Variants in KIAA0825 observed in about 807,000 individuals in gnomAD.
KIAA0825 encodes the protein uncharacterized protein KIAA0825.
A neutral mutation model predicts 147.6 loss-of-function variants in KIAA0825; 119 were observed. The ratio of observed to expected loss-of-function variants is 0.81; its 90% CI spans 0.69 to 0.94. The LOEUF is 0.94. KIAA0825 is among the 40% of genes least tolerant of loss of function. KIAA0825 has a pLI of 0.00. For missense variants in KIAA0825, 1,381 were observed against 1,472.7 expected (o/e 0.94, Z 1.02); for synonymous variants, 470 against 518.1 (o/e 0.91, Z 1.26).
chr5:94,463,630 T>A (rs1760109858), intron 11 of KIAA0825, among the ~76,000 whole-genome samples: 1 of 151,332 alleles, frequency 6.6e-6, no homozygotes, highest in South Asian at 2.1e-4. Flanking sequence ...ACCAGTCAAA[T>A]AAAAATATTT....
chr5:94,445,503 T>C (rs983998302), intron 13 of KIAA0825, among the ~76,000 whole-genome samples: 2 of 152,142 alleles, frequency 1.3e-5, no homozygotes, highest in African/African-American at 4.8e-5. Flanking sequence ...AATAAGATTG[T>C]ATTGTATTTA....
At chr5:94,599,345 T>TC (rs1196575941) in intron 1 of KIAA0825, among the ~76,000 whole-genome samples, 71 of 148,216 alleles carry the variant, frequency 4.8e-4, no homozygotes, top group African/African-American at 1.4e-3. Context: ...TTTTTTTTTT[T>TC]TTTTTTGCTA....
intron 20 of KIAA0825, among the ~76,000 whole-genome samples, chr5:94,333,928 A>G (rs1781533470): frequency 6.6e-6 from 1 of 152,166 alleles, no homozygotes; most frequent in Non-Finnish European, 1.5e-5. Context: ...AAAACTACAA[A>G]CCACTGCTCA....
In KIAA0825 at chr5:94,154,069, G is replaced by A. The variant is rs376383241; in HGVS notation, c.3766C>T (p.His1256Tyr). 2.6e-5 allele frequency: 40 copies of A among 1,551,554 alleles called. No homozygotes were observed. The highest frequency in any genetic ancestry group is 3.3e-5 in the Non-Finnish European group (38 of 1,146,954). Residue 1256 changes from histidine (H) to tyrosine (Y), a missense_variant, in exon 21 of 21, where the codon CAC becomes TAC. His to Tyr is a moderately conservative substitution (Grantham distance 83). Coordinates refer to ENST00000682413, the MANE Select transcript of KIAA0825 (RefSeq NM_001145678.3). ...TGTGGGGTGCAAATTTGTTTTAAGT[G>A]CTCCAGTATTGCTTTTTCTTCCTCT... is the stretch of plus-strand genomic sequence containing the variant. ...LEEEEKAILE[H>Y]LKQICTPQNS...
intron 14 of KIAA0825, among the ~76,000 whole-genome samples, chr5:94,424,298 G>A (rs919285463): frequency 3.3e-5 from 5 of 152,052 alleles, no homozygotes; most frequent in Non-Finnish European, 4.4e-5. Flanking sequence ...GCCAAAACAG[G>A]TCTCAACAAA....
chr5:94,235,844 G>C (rs1179709938), intron 20 of KIAA0825, among the ~76,000 whole-genome samples: 1 of 152,126 alleles, frequency 6.6e-6, no homozygotes, highest in Non-Finnish European at 1.5e-5. Flanking sequence ...TCTATAAATG[G>C]AATAATAAAG....
chr5:94,295,950 C>G (rs1274828655), intron 20 of KIAA0825, among the ~76,000 whole-genome samples: 2 of 152,180 alleles, frequency 1.3e-5, no homozygotes, highest in South Asian at 2.1e-4. Flanking sequence ...AGCTTGAGCC[C>G]TGTACTAGGA....
At chr5:94,567,812 G>T in intron 2 of KIAA0825, 1 of 154,430 alleles carries the variant, frequency 6.5e-6, no homozygotes, top group South Asian at 2.0e-4. Context: ...AGCTCAATTA[G>T]GTCTTCATCC....
intron 1 of KIAA0825, among the ~76,000 whole-genome samples, chr5:94,588,104 G>A (rs931884346): frequency 2.6e-5 from 4 of 152,044 alleles, no homozygotes; most frequent in South Asian, 4.1e-4. Context: ...AAGAAAGCCC[G>A]GCAATACCAT....
chr5:94,175,139 C>T (rs1768971806), intron 20 of KIAA0825, among the ~76,000 whole-genome samples: 1 of 152,150 alleles, frequency 6.6e-6, no homozygotes, highest in Non-Finnish European at 1.5e-5. Flanking sequence ...GAATGAAATC[C>T]TACATATGCT....
intron 16 of KIAA0825, 32 bp from the exon 17 acceptor site, chr5:94,396,541 T>C (rs1356833242): frequency 6.9e-7 from 1 of 1,452,654 alleles, no homozygotes; most frequent in Non-Finnish European, 9.1e-7. Flanking sequence ...ATGATTAATA[T>C]TAGCATTTGC....
intron 2 of KIAA0825, among the ~76,000 whole-genome samples, chr5:94,574,460 C>T (rs976372142): frequency 2.8e-5 from 4 of 141,512 alleles, no homozygotes; most frequent in Middle Eastern, 3.8e-3. Flanking sequence ...AGGAGCATCG[C>T]GTGAACCCGG....
At chr5:94,611,528 G>C (rs1371916756) in intron 1 of KIAA0825, among the ~76,000 whole-genome samples, 2 of 151,914 alleles carry the variant, frequency 1.3e-5, no homozygotes, top group Non-Finnish European at 2.9e-5. Context: ...GTGGGGGCTG[G>C]GGGGAAGGAT....
At chr5:94,528,943 T>G (rs1217976880) in intron 3 of KIAA0825, among the ~76,000 whole-genome samples, 1 of 151,814 alleles carries the variant, frequency 6.6e-6, no homozygotes, top group East Asian at 1.9e-4. Flanking sequence ...CCAACTCCTT[T>G]GATTCTCTTT....
chr5:94,348,346 G>C (rs1357662355), intron 20 of KIAA0825, among the ~76,000 whole-genome samples: 1 of 152,152 alleles, frequency 6.6e-6, no homozygotes. Context: ...ACTGTCATCA[G>C]GTTATCCAAA....
In KIAA0825 at chr5:94,525,978, A is replaced by T. The variant is rs368021312; in HGVS notation, c.132-1880T>A. Among the ~76,000 whole-genome samples the T allele has an allele frequency of 2.0e-5, 3 of 152,158 alleles. No homozygotes were observed. The East Asian group carries it at 5.8e-4, about 29-fold the overall frequency. Reference sequence around the variant, plus strand: ...AAATCATTTTGTCACAAATTATAAAATGTCAGAACTAATTATCTACACCTG... The same window carrying T: ...AAATCATTTTGTCACAAATTATAAATTGTCAGAACTAATTATCTACACCTG... On this transcript the variant is annotated intron_variant, in intron 3 of 20. Transcript: ENST00000682413.
At chr5:94,199,840 C>T (rs1012801323) in intron 20 of KIAA0825, among the ~76,000 whole-genome samples, 4 of 152,098 alleles carry the variant, frequency 2.6e-5, no homozygotes, top group Admixed American at 1.3e-4. Flanking sequence ...GATGGGAGGG[C>T]GACAGCTATC....
intron 20 of KIAA0825, among the ~76,000 whole-genome samples, chr5:94,372,749 A>C (rs59795620): frequency 6.6e-6 from 1 of 152,206 alleles, no homozygotes; most frequent in Non-Finnish European, 1.5e-5. Flanking sequence ...GGTGATTAAC[A>C]TTCAGCTCCT....
At chr5:94,442,324 AAC>A (rs1757183301) in intron 13 of KIAA0825, among the ~76,000 whole-genome samples, 1 of 152,180 alleles carries the variant, frequency 6.6e-6, no homozygotes, top group Non-Finnish European at 1.5e-5. Flanking sequence ...AAACTCTGAT[AAC>A]ATATCTCAAA....
Sources: allele counts gnomAD v4.1 joint callset (sites outside exome capture counted in the v4.1 genomes callset), GRCh38; gene constraint gnomAD v4.1.1; transcripts MANE v1.5; gene names NCBI Gene and HGNC (gene_info 2026-07-23, HGNC 2026-07-21).